UNC13C: variants seen among roughly 807,000 people sequenced by gnomAD.
The protein encoded by UNC13C is unc-13 homolog C, also known as protein unc-13 homolog C.
In UNC13C, 174 loss-of-function variants were observed where a neutral mutation model predicts 245.4. The observed-to-expected ratio is 0.71, with a 90% CI of 0.63 to 0.80. The LOEUF is 0.80. Among genes scored for constraint, UNC13C ranks in the 30% least tolerant of loss-of-function variants. UNC13C has a pLI of 0.00. For missense variants in UNC13C, 2,829 were observed against 2,602.9 expected (o/e 1.09, Z -1.89); for synonymous variants, 992 against 895.1 (o/e 1.11, Z -1.93).
At chr15:54,099,495 A>G (rs572827973) in intron 2 of UNC13C, among the ~76,000 whole-genome samples, 195 of 152,198 alleles carry the variant, frequency 1.3e-3, no homozygotes, top group African/African-American at 4.6e-3. Context: ...ATACCCCAAG[A>G]TGGTCACTTA....
At position 54,013,000 on chromosome 15, in the gene UNC13C, A is replaced by C; in HGVS notation, c.97A>C (p.Lys33Gln). ...GAAATTGGGAAATACAAACAAAAAC[A>C]AAGAGTATCGTCAGCAGAAAAAGGA... Reference protein sequence around the residue: ...TKKLGNTNKNKEYRQQKKDQD... With the variant: ...TKKLGNTNKNQEYRQQKKDQD... Residue 33 changes from lysine to glutamine, a missense_variant, in exon 2 of 33, where the codon AAA becomes CAA. Transcript: ENST00000260323. 4.3e-6 allele frequency: 7 copies of C among 1,613,904 alleles called. No homozygotes were observed. The highest frequency in any genetic ancestry group is 5.9e-6 in the Non-Finnish European group (7 of 1,179,812).
chr15:54,419,459 A>G (rs1347279075), intron 19 of UNC13C, among the ~76,000 whole-genome samples: 1 of 152,154 alleles, frequency 6.6e-6, no homozygotes, highest in Admixed American at 6.6e-5. Context: ...CTGTCTTTCT[A>G]TTATACTATG....
chr15:54,390,681 C>T (rs1000704265), intron 17 of UNC13C, among the ~76,000 whole-genome samples: 1 of 151,926 alleles, frequency 6.6e-6, no homozygotes, highest in African/African-American at 2.4e-5. Flanking sequence ...TATGAATATA[C>T]TTATTATAAG....
the UNC13C span, among the ~76,000 whole-genome samples, chr15:53,923,144 C>T: frequency 3.5e-4 from 54 of 152,324 alleles, no homozygotes; most frequent in African/African-American, 1.3e-3. Flanking sequence ...ACTGCTTAAT[C>T]TGTAAGATTC....
chr15:54,305,507 G>GAA (rs35489072), intron 13 of UNC13C, among the ~76,000 whole-genome samples: 3 of 149,778 alleles, frequency 2.0e-5, no homozygotes, highest in Non-Finnish European at 3.0e-5. Context: ...TAACTCAACT[G>GAA]AAAAAAAAAC....
At chr15:53,933,159 G>C in the UNC13C span, among the ~76,000 whole-genome samples, 1,408 of 152,102 alleles carry the variant, frequency 9.3e-3, 24 homozygotes, top group African/African-American at 0.033. Context: ...TCTCAGCCTG[G>C]ACAATTAGGA....
chr15:54,338,685 C>T (rs2038654303), intron 17 of UNC13C, among the ~76,000 whole-genome samples, 196 bp downstream of exon 17: 1 of 152,216 alleles, frequency 6.6e-6, no homozygotes, highest in Non-Finnish European at 1.5e-5. Context: ...CTTAAAATAA[C>T]TTTATCTAGT....
At chr15:53,917,652 C>T in the UNC13C span, among the ~76,000 whole-genome samples, 70 of 152,268 alleles carry the variant, frequency 4.6e-4, no homozygotes, top group African/African-American at 1.6e-3. Context: ...TTTCTATCTC[C>T]TCCTCTCTTT....
chr15:54,035,912 G>A (rs1333037742), intron 2 of UNC13C, among the ~76,000 whole-genome samples: 1 of 152,088 alleles, frequency 6.6e-6, no homozygotes, highest in African/African-American at 2.4e-5. Context: ...AGATAGAGAA[G>A]ATGAAGATAT....
intron 10 of UNC13C, among the ~76,000 whole-genome samples, chr15:54,267,901 G>A (rs1201518142): frequency 6.6e-6 from 1 of 151,946 alleles, no homozygotes; most frequent in Non-Finnish European, 1.5e-5. Flanking sequence ...TAGGCCTCCT[G>A]AAGTTGCCTC....
At chr15:54,584,573 A>G (rs1898389283) in intron 30 of UNC13C, among the ~76,000 whole-genome samples, 1 of 152,246 alleles carries the variant, frequency 6.6e-6, no homozygotes, top group African/African-American at 2.4e-5. Flanking sequence ...AAAAGAGTAA[A>G]AGAATAGACA....
At chr15:53,962,414 A>T in the UNC13C span, among the ~76,000 whole-genome samples, 2 of 151,966 alleles carry the variant, frequency 1.3e-5, no homozygotes, top group African/African-American at 4.8e-5. Flanking sequence ...CACTCTCATT[A>T]TACGGTTATG....
chr15:54,508,025 AG>A (rs1312225226), intron 23 of UNC13C, among the ~76,000 whole-genome samples: 1 of 152,052 alleles, frequency 6.6e-6, no homozygotes, highest in African/African-American at 2.4e-5. Flanking sequence ...CAGCTCATTA[AG>A]ATAAGTCAGT....
the UNC13C span, among the ~76,000 whole-genome samples, chr15:53,875,839 G>A: frequency 6.6e-6 from 1 of 152,062 alleles, no homozygotes; most frequent in South Asian, 2.1e-4. Flanking sequence ...CATCTTTTTT[G>A]TGTGTCACAC....
the UNC13C span, chr15:53,947,640 T>C: frequency 4.6e-5 from 7 of 152,348 alleles, no homozygotes; most frequent in South Asian, 1.4e-3. Flanking sequence ...TTTTTATTTT[T>C]TGAAAGGGTC....
intron 30 of UNC13C, among the ~76,000 whole-genome samples, chr15:54,573,037 T>G (rs1245820804): frequency 6.6e-6 from 1 of 152,162 alleles, no homozygotes; most frequent in Admixed American, 6.5e-5. Flanking sequence ...ATAATCAATT[T>G]TTTTCACTAT....
intron 2 of UNC13C, among the ~76,000 whole-genome samples, chr15:54,093,536 C>A (rs1199008998): frequency 1.3e-5 from 2 of 152,164 alleles, no homozygotes; most frequent in Non-Finnish European, 2.9e-5. Context: ...ATGAGAACAT[C>A]TTTTATTTTT....
intron 4 of UNC13C, among the ~76,000 whole-genome samples, chr15:54,149,041 G>C (rs185419658): frequency 6.6e-6 from 1 of 152,110 alleles, no homozygotes; most frequent in Non-Finnish European, 1.5e-5. Flanking sequence ...CCCCCAGGCT[G>C]TTCTCCTGCT....
chr15:54,016,672 A>G (rs1460193321), intron 2 of UNC13C, among the ~76,000 whole-genome samples: 5 of 152,202 alleles, frequency 3.3e-5, no homozygotes, highest in Admixed American at 6.5e-5. Flanking sequence ...AGTGATAGTT[A>G]TATGTAAATG....
Sources: gnomAD v4.1 joint callset for allele counts (sites outside exome capture counted in the v4.1 genomes callset) on GRCh38, gnomAD v4.1.1 for gene constraint, MANE v1.5 for transcripts, NCBI Gene and HGNC (gene_info 2026-07-23, HGNC 2026-07-21) for gene names.